Variants in GFRA1 observed in about 807,000 individuals in gnomAD.
GFRA1 encodes the protein GDNF family receptor alpha-1.
A neutral mutation model predicts 51.6 loss-of-function variants in GFRA1; 16 were observed. The observed-to-expected ratio is 0.31, with a 90% CI of 0.21 to 0.47. GFRA1 has a LOEUF of 0.47. Ranked by LOEUF, GFRA1 falls within the 20% of genes least tolerant of loss-of-function variation. GFRA1 has a pLI of 1.00. For synonymous variants in GFRA1, 270 were observed against 241.3 expected (o/e 1.12, Z -1.10); for missense variants, 530 against 594.3 (o/e 0.89, Z 1.13).
At chr10:116,260,268 C>T in intron 4 of GFRA1, among the ~76,000 whole-genome samples, 1 of 152,214 alleles carries the variant, frequency 6.6e-6, no homozygotes, top group East Asian at 1.9e-4. Flanking sequence ...TTGTCACAGC[C>T]AGGACCAACT....
chr10:116,078,927 T>A (rs1386703219), intron 9 of GFRA1, among the ~76,000 whole-genome samples: 2 of 152,086 alleles, frequency 1.3e-5, no homozygotes, highest in East Asian at 1.9e-4. Flanking sequence ...AGTTTTCTAA[T>A]CCCATTCAAT....
At chr10:116,254,062 T>G (rs975332430) in intron 4 of GFRA1, among the ~76,000 whole-genome samples, 2 of 152,138 alleles carry the variant, frequency 1.3e-5, no homozygotes, top group Non-Finnish European at 2.9e-5. Flanking sequence ...AGCTCATGCC[T>G]GTAATCCCAG....
At chr10:116,148,993 C>T (rs1958951023) in intron 5 of GFRA1, among the ~76,000 whole-genome samples, 1 of 151,978 alleles carries the variant, frequency 6.6e-6, no homozygotes, top group Non-Finnish European at 1.5e-5. Context: ...CTGTTGTACA[C>T]ATTCAGAAAA....
intron 5 of GFRA1, among the ~76,000 whole-genome samples, chr10:116,203,746 T>C (rs930048045): frequency 1.3e-5 from 2 of 152,084 alleles, no homozygotes; most frequent in Non-Finnish European, 2.9e-5. Context: ...CAATCTCAAC[T>C]GGGAAAAAGG....
chr10:116,143,062 T>A (rs1488109101), intron 5 of GFRA1, among the ~76,000 whole-genome samples: 2 of 152,202 alleles, frequency 1.3e-5, no homozygotes, highest in African/African-American at 4.8e-5. Flanking sequence ...TTGGGAGCTT[T>A]AATTGCTGCC....
chr10:116,255,654 C>T (rs1478287031), intron 4 of GFRA1: 3 of 1,289,092 alleles, frequency 2.3e-6, no homozygotes, highest in South Asian at 2.5e-5. Context: ...CTCCCCACAT[C>T]CCCACATTCC....
At chr10:116,201,904 T>C (rs1246265323) in intron 5 of GFRA1, among the ~76,000 whole-genome samples, 2 of 152,066 alleles carry the variant, frequency 1.3e-5, no homozygotes, top group African/African-American at 4.8e-5. Context: ...AAGGTAACAT[T>C]TGGATTCACT....
intron 6 of GFRA1, among the ~76,000 whole-genome samples, chr10:116,110,633 G>A (rs1220857586): frequency 6.6e-6 from 1 of 152,202 alleles, no homozygotes; most frequent in East Asian, 1.9e-4. Flanking sequence ...CAGGAACCCA[G>A]GACAGAGACT....
At chr10:116,249,083 T>C (rs2134680358) in intron 4 of GFRA1, among the ~76,000 whole-genome samples, 1 of 152,334 alleles carries the variant, frequency 6.6e-6, no homozygotes, top group South Asian at 2.1e-4. Flanking sequence ...TTTCCTTTGC[T>C]GGAACATTCT....
intron 5 of GFRA1, among the ~76,000 whole-genome samples, chr10:116,211,135 G>C (rs770427181): frequency 2.2e-4 from 33 of 152,218 alleles, no homozygotes; most frequent in Non-Finnish European, 3.7e-4. Context: ...GTCAGACCCA[G>C]CTGGCGAGGT....
rs1045008930 is a variant in GFRA1 at position 116,117,693 on chromosome 10, T to C, written c.770+7528A>G. 2.1e-4 allele frequency among the ~76,000 whole-genome samples: 32 copies of C among 151,718 alleles called. 1 individual carries two copies. The East Asian group carries it at 3.5e-3, about 16-fold the overall frequency. On this transcript the variant is annotated intron_variant, in intron 6 of 10. Coordinates refer to ENST00000355422, the MANE Select transcript of GFRA1 (RefSeq NM_005264.8). ...GGGGATGGAAGTAGAGATAGATTGATGGAGAGAGGAACAAAGGTATGAATA... is the reference window on the plus strand; with the variant it reads ...GGGGATGGAAGTAGAGATAGATTGACGGAGAGAGGAACAAAGGTATGAATA...
rs77768306 is a variant in GFRA1 at position 116,259,324 on chromosome 10, C to CTTTT, written c.418+10175_418+10178dup. On this transcript the variant is annotated intron_variant, in intron 4 of 10. Coordinates refer to ENST00000355422, the MANE Select transcript of GFRA1 (RefSeq NM_005264.8). ...TAAAGTGGGACTCAACTATGTATTC[C>CTTTT]TTTTTTTTTTTTTTTAACATTGTGT... is the stretch of plus-strand genomic sequence containing the variant. 5.4e-4 allele frequency among the ~76,000 whole-genome samples: 78 copies of CTTTT among 143,870 alleles called. 2 individuals carry two copies. The highest frequency in any genetic ancestry group is 3.4e-3 in the Middle Eastern group (1 of 298). The allele number at this position is 143,870 out of a possible 152,430, so 94.4% of individuals were successfully genotyped here. A position where few individuals can be genotyped will look rare whatever the true frequency, so the allele number is the denominator to read the frequency against.
chr10:116,264,102 G>T (rs1007341278), intron 4 of GFRA1, among the ~76,000 whole-genome samples: 3 of 152,112 alleles, frequency 2.0e-5, no homozygotes, highest in Non-Finnish European at 4.4e-5. Context: ...CTGGTTTAGC[G>T]CTCAAGAGAG....
At chr10:116,197,497 G>C (rs1963982590) in intron 5 of GFRA1, among the ~76,000 whole-genome samples, 1 of 152,114 alleles carries the variant, frequency 6.6e-6, no homozygotes, top group South Asian at 2.1e-4. Flanking sequence ...ATATATATGT[G>C]TCTGTCATTT....
chr10:116,254,214 C>T (rs1464869779), intron 4 of GFRA1, among the ~76,000 whole-genome samples: 3 of 149,974 alleles, frequency 2.0e-5, no homozygotes, highest in South Asian at 2.1e-4. Context: ...CCCAGCTACT[C>T]AGGAGGCTGA....
At chr10:116,182,360 A>C (rs1342962902) in intron 5 of GFRA1, among the ~76,000 whole-genome samples, 1 of 152,246 alleles carries the variant, frequency 6.6e-6, no homozygotes, top group Non-Finnish European at 1.5e-5. Context: ...TATTTAGTTA[A>C]GAGCAAATAT....
intron 5 of GFRA1, among the ~76,000 whole-genome samples, chr10:116,177,910 C>T (rs1961790391): frequency 6.6e-6 from 1 of 152,176 alleles, no homozygotes; most frequent in Non-Finnish European, 1.5e-5. Context: ...GGCCATGGTA[C>T]AAACTCAAAG....
intron 6 of GFRA1, among the ~76,000 whole-genome samples, chr10:116,124,751 A>G (rs1240927894): frequency 6.6e-6 from 1 of 152,156 alleles, no homozygotes. Flanking sequence ...AGGCATTCAA[A>G]GTTCTCCCCA....
rs142635186 is a variant in GFRA1, at chr10:116,214,999, G to A, written c.419-3354C>T. 1.7e-3 allele frequency among the ~76,000 whole-genome samples: 253 copies of A among 152,052 alleles called. 3 individuals carry two copies. Among genetic ancestry groups the A allele is most frequent in the Admixed American group, 0.013 (201 of 15,254 alleles). Reference sequence around the variant, plus strand: ...TTCAGCTTTGTTTACATTTTGCACCGTTTTATTCAAATGTAAATTTTAATA... The same window carrying A: ...TTCAGCTTTGTTTACATTTTGCACCATTTTATTCAAATGTAAATTTTAATA... On this transcript the variant is annotated intron_variant, in intron 4 of 10. Coordinates refer to ENST00000355422, the MANE Select transcript of GFRA1 (RefSeq NM_005264.8).
Sources: allele counts gnomAD v4.1 joint callset (sites outside exome capture counted in the v4.1 genomes callset), GRCh38; gene constraint gnomAD v4.1.1; transcripts MANE v1.5; gene names NCBI Gene and HGNC (gene_info 2026-07-23, HGNC 2026-07-21).